SLC44A1: variants seen among roughly 807,000 people sequenced by gnomAD.
SLC44A1 encodes the protein solute carrier family 44 member 1.
A neutral mutation model predicts 79.3 loss-of-function variants in SLC44A1; 26 were observed. The observed-to-expected ratio is 0.33, with a 90% CI of 0.24 to 0.46. The LOEUF (loss-of-function observed/expected upper bound fraction) is 0.46, where lower values mean the gene tolerates loss of function less well. Ranked by LOEUF, SLC44A1 falls within the 20% of genes least tolerant of loss-of-function variation. SLC44A1 has a pLI of 1.00. For synonymous variants in SLC44A1, 263 were observed against 286.2 expected (o/e 0.92, Z 0.82); for missense variants, 688 against 798.1 (o/e 0.86, Z 1.66).
At chr9:105,386,371 T>A in intron 15 of SLC44A1, 2 of 957,848 alleles carry the variant, frequency 2.1e-6, no homozygotes, top group Non-Finnish European at 2.5e-6. Context: ...ATTGTCTGCA[T>A]CCTTAAATAA....
intron 2 of SLC44A1, among the ~76,000 whole-genome samples, chr9:105,301,236 A>C (rs1830870749): frequency 2.0e-5 from 3 of 152,236 alleles, no homozygotes; most frequent in Non-Finnish European, 4.4e-5. Context: ...AGGAAAGTGC[A>C]ATCATTAATG....
rs920404881 is a variant in SLC44A1 at position 105,391,977 on chromosome 9, C to T, written c.*2921C>T. The T allele has an allele frequency of 7.1e-6, 7 of 985,128 alleles. No homozygotes were observed. In the African/African-American group the frequency reaches 1.2e-4, roughly 17 times the overall value. The allele number at this position is 985,128 out of a possible 1,614,324, so 61.0% of individuals were successfully genotyped here. A position where few individuals can be genotyped will look rare whatever the true frequency, so the allele number is the denominator to read the frequency against. On this transcript the variant is annotated 3_prime_UTR_variant, in exon 16 of 16. Coordinates refer to ENST00000374720, the MANE Select transcript of SLC44A1 (RefSeq NM_080546.5). Reference sequence around the variant, plus strand: ...CCATCAGATAATTAAGGCTCTGGTGCATAATTTAGACTTTCTAAGCTCCTG... The same window carrying T: ...CCATCAGATAATTAAGGCTCTGGTGTATAATTTAGACTTTCTAAGCTCCTG...
At chr9:105,264,157 G>A (rs1204869762) in intron 1 of SLC44A1, among the ~76,000 whole-genome samples, 2 of 151,958 alleles carry the variant, frequency 1.3e-5, no homozygotes, top group Non-Finnish European at 2.9e-5. Flanking sequence ...TTGGATCAAT[G>A]TTCAGTCTTT....
intron 15 of SLC44A1, among the ~76,000 whole-genome samples, chr9:105,436,688 C>T (rs912491995): frequency 7.9e-5 from 12 of 152,020 alleles, no homozygotes; most frequent in African/African-American, 2.4e-4. Flanking sequence ...ACTAATGTGG[C>T]GAAAGCAACA....
intron 13 of SLC44A1, among the ~76,000 whole-genome samples, chr9:105,380,456 G>A (rs572518808): frequency 1.3e-5 from 2 of 152,144 alleles, no homozygotes; most frequent in African/African-American, 4.8e-5. Flanking sequence ...AGCTGGGACT[G>A]TAGGTGTGAG....
At chr9:105,416,943 A>G (rs1829179013) in intron 15 of SLC44A1, among the ~76,000 whole-genome samples, 1 of 152,254 alleles carries the variant, frequency 6.6e-6, no homozygotes, top group Admixed American at 6.5e-5. Flanking sequence ...TGCAGATTAA[A>G]CACAAAAAGT....
intron 14 of SLC44A1, among the ~76,000 whole-genome samples, chr9:105,385,180 A>G (rs1316361697): frequency 6.6e-6 from 1 of 152,184 alleles, no homozygotes; most frequent in African/African-American, 2.4e-5. Context: ...TATCTCTTGG[A>G]GCCTTAGTAA....
At position 105,393,014 on chromosome 9, in the gene SLC44A1, C is replaced by T. The variant is rs1828800329; in HGVS notation, c.*3958C>T. The T allele has an allele frequency of 1.0e-6, 1 of 984,886 alleles. No individual in the cohort carries two copies. Among genetic ancestry groups the T allele is most frequent in the Non-Finnish European group, 1.2e-6 (1 of 829,476 alleles). The allele number at this position is 984,886 out of a possible 1,614,324, so 61.0% of individuals were successfully genotyped here. On this transcript the variant is annotated 3_prime_UTR_variant, in exon 16 of 16. Coordinates refer to ENST00000374720, the MANE Select transcript of SLC44A1 (RefSeq NM_080546.5). The stretch of plus-strand genomic sequence containing the variant: ...CAGAGTCTGGAGGCTTATCAGTGCA[C>T]CTGCCACAGTTAATTTCTGTATTCT...
intron 12 of SLC44A1, 83 bp downstream of exon 12, chr9:105,366,512 A>G (rs1827947274): frequency 1.7e-5 from 10 of 594,384 alleles, no homozygotes; most frequent in Non-Finnish European, 2.7e-6. Flanking sequence ...CTTAATTGAA[A>G]GATGTTATGT....
intron 1 of SLC44A1, among the ~76,000 whole-genome samples, chr9:105,258,016 T>A (rs906850926): frequency 6.6e-6 from 1 of 152,178 alleles, no homozygotes; most frequent in Non-Finnish European, 1.5e-5. Flanking sequence ...CAGGGAGCTG[T>A]TCAGTAACTC....
At chr9:105,401,248 A>G (rs1055114269), downstream of SLC44A1, among the ~76,000 whole-genome samples, 2 of 152,240 alleles carry the variant, frequency 1.3e-5, no homozygotes, top group Non-Finnish European at 2.9e-5. Context: ...TTATTTGTAT[A>G]TTTAAAATAT....
intron 1 of SLC44A1, among the ~76,000 whole-genome samples, chr9:105,247,209 G>T (rs778131087): frequency 6.6e-6 from 1 of 151,170 alleles, no homozygotes; most frequent in Non-Finnish European, 1.5e-5. Flanking sequence ...GAATACTGTT[G>T]TTCCTATATG....
rs1827618253 is a variant in SLC44A1 at position 105,356,234 on chromosome 9, C to T, written c.523C>T (p.Arg175Cys). 8 of 1,612,772 alleles carry T rather than the reference C, an allele frequency of 5.0e-6. No homozygotes were observed. Among genetic ancestry groups the T allele is most frequent in the Non-Finnish European group, 5.1e-6 (6 of 1,179,566 alleles). The change falls in exon 6 of 16, where the codon CGC becomes TGC. Residue 175 changes from arginine (R) to cysteine (C), a missense_variant. Physicochemically the swap from Arg to Cys is radical, Grantham distance 180 (BLOSUM62 -3). Coordinates refer to ENST00000374720, the MANE Select transcript of SLC44A1 (RefSeq NM_080546.5). ...PASAPIPFFH[R>C]CAPVNISCYA... Reference sequence around the variant, plus strand: ...CAGTGCACCTATTCCATTCTTCCATCGCTGTGCTCCTGTGAACATTTCCTG... The same window carrying T: ...CAGTGCACCTATTCCATTCTTCCATTGCTGTGCTCCTGTGAACATTTCCTG...
chr9:105,367,478 C>A (rs1827976783), intron 12 of SLC44A1, among the ~76,000 whole-genome samples: 1 of 152,186 alleles, frequency 6.6e-6, no homozygotes, highest in African/African-American at 2.4e-5. Flanking sequence ...AAGGCCATAA[C>A]AACCTGAAAA....
At chr9:105,301,893 TG>T (rs1830890432) in intron 2 of SLC44A1, among the ~76,000 whole-genome samples, 1 of 152,328 alleles carries the variant, frequency 6.6e-6, no homozygotes, top group East Asian at 1.9e-4. Flanking sequence ...TCTTGCAGCC[TG>T]ACACTCAAAC....
Position 105,394,155 on chromosome 9 carries a change from TGAACC to T in SLC44A1, c.*5100_*5104del. 1.0e-6 allele frequency: 1 copy of T among 985,416 alleles called. No homozygotes were observed. The highest frequency in any genetic ancestry group is 4.7e-5 in the South Asian group (1 of 21,288). 61.0% of individuals were successfully genotyped at this position (985,416 alleles called of 1,614,324 possible). A position where few individuals can be genotyped will look rare whatever the true frequency, so the allele number is the denominator to read the frequency against. ...ACCCCTGTACCCCCTCAGGGGCTAA[TGAACC>T]CAAGTCAAAAGGCTGCTCTAAAGTT... On this transcript the variant is annotated 3_prime_UTR_variant, in exon 16 of 16. Transcript: ENST00000374720.
chr9:105,252,619 C>G (rs1829615899), intron 1 of SLC44A1, among the ~76,000 whole-genome samples: 1 of 152,124 alleles, frequency 6.6e-6, no homozygotes, highest in South Asian at 2.1e-4. Flanking sequence ...AAGTAATGGA[C>G]CAGTCAGATT....
At position 105,244,962 on chromosome 9, in the gene SLC44A1, G is replaced by A. The variant is rs1186736268; in HGVS notation, c.36+58G>A. Reference sequence around the variant, plus strand: ...GGATGCCTCCCGTGCGCCGCGTCGCGCGGCGGGCGCCCGCCGCCCGATACC... The same window carrying A: ...GGATGCCTCCCGTGCGCCGCGTCGCACGGCGGGCGCCCGCCGCCCGATACC... On this transcript the variant is annotated intron_variant, in intron 1 of 15. Transcript: ENST00000374720. 57 of 939,040 alleles carry A rather than the reference G, an allele frequency of 6.1e-5. No individual in the cohort carries two copies. The East Asian group carries it at 2.4e-3, about 39-fold the overall frequency. The allele number at this position is 939,040 out of a possible 1,614,324, so 58.2% of individuals were successfully genotyped here. A position where few individuals can be genotyped will look rare whatever the true frequency, so the allele number is the denominator to read the frequency against.
chr9:105,415,623 CTA>C (rs1243320552), intron 15 of SLC44A1, among the ~76,000 whole-genome samples: 1 of 152,190 alleles, frequency 6.6e-6, no homozygotes, highest in Non-Finnish European at 1.5e-5. Flanking sequence ...ACCCCTGAAA[CTA>C]CACAGGTGTT....
Sources: allele counts gnomAD v4.1 joint callset (sites outside exome capture counted in the v4.1 genomes callset), GRCh38; gene constraint gnomAD v4.1.1; transcripts MANE v1.5; gene names NCBI Gene and HGNC (gene_info 2026-07-23, HGNC 2026-07-21).